Variants in TBX15 observed in about 807,000 individuals in gnomAD.
TBX15 encodes T-box transcription factor TBX15.
In TBX15, 18 loss-of-function variants were observed where a neutral mutation model predicts 53.9. That is an observed-to-expected ratio of 0.33 (90% CI 0.23 to 0.49). The LOEUF is 0.49. Ranked by LOEUF, TBX15 falls within the 20% of genes least tolerant of loss-of-function variation. The probability of loss-of-function intolerance (pLI) is 0.98; values close to 1 mark genes in which losing one functional copy is unlikely to be tolerated. For synonymous variants in TBX15, 295 were observed against 278.0 expected, an observed-to-expected ratio of 1.06 and a Z score of -0.61; for missense variants, 692 against 749.5, an observed-to-expected ratio of 0.92 and a Z score of 0.90.
At chr1:118,981,599 T>C (rs1657655511) in intron 1 of TBX15, among the ~76,000 whole-genome samples, 1 of 152,228 alleles carries the variant, frequency 6.6e-6, no homozygotes, top group Non-Finnish European at 1.5e-5. Flanking sequence ...AGTTTTGCAG[T>C]CAGCAAGATA....
chr1:118,956,500 A>C (rs1156643550), intron 1 of TBX15, among the ~76,000 whole-genome samples: 2 of 152,210 alleles, frequency 1.3e-5, no homozygotes, highest in Non-Finnish European at 2.9e-5. Context: ...TACATGAAGG[A>C]GTTCCTTCTA....
intron 1 of TBX15, among the ~76,000 whole-genome samples, chr1:118,984,805 T>A (rs1180436824): frequency 6.6e-6 from 1 of 152,104 alleles, no homozygotes; most frequent in Non-Finnish European, 1.5e-5. Context: ...AATACATAGT[T>A]TCCTCTGTGG....
rs770118092 is a variant in TBX15, at chr1:118,987,722, C to T, written c.74G>A (p.Gly25Asp). 6.5e-6 allele frequency: 10 copies of T among 1,550,334 alleles called. No individual in the cohort carries two copies. Among genetic ancestry groups the T allele is most frequent in the African/African-American group, 1.4e-5 (1 of 73,054 alleles). The change falls in exon 1 of 8, where the codon GGC (glycine) becomes GAC (aspartate). Residue 25 changes from glycine to aspartate, a missense_variant. This residue lies in a region of TBX15 where 307 missense variants were observed against 347.5 expected (regional missense o/e 0.88). Transcript: ENST00000369429. Reference protein sequence around the residue: ...AHAFSVEALIGSNKKRKLRDW... With the variant: ...AHAFSVEALIDSNKKRKLRDW... ...TCGCAGTTTCCGTTTTTTATTTGAG[C>T]CGATCAAGGCTTCAACGGAGAAGGC...
At chr1:118,949,825 A>G (rs898434889) in intron 1 of TBX15, among the ~76,000 whole-genome samples, 4 of 152,174 alleles carry the variant, frequency 2.6e-5, no homozygotes, top group African/African-American at 9.7e-5. Flanking sequence ...AATACAAACA[A>G]TTTGAACCCA....
rs970033598 is a variant in TBX15, at chr1:118,931,633, G to A, written c.405C>T (p.Ile135=). The change falls in exon 2 of 8, where the codon ATC becomes ATT. Residue 135 remains isoleucine, a synonymous_variant. Transcript: ENST00000369429. ...RFHDIGTEMI[I]TKAGRRMFPA... is the part of the protein sequence containing the mutation. ...TTTGTCCTTACCTGCCTGCTTTGGTGATGATCATTTCAGTTCCAATATCAT... is the reference window on the plus strand; with the variant it reads ...TTTGTCCTTACCTGCCTGCTTTGGTAATGATCATTTCAGTTCCAATATCAT... The A allele has an allele frequency of 1.2e-6, 2 of 1,614,058 alleles. No homozygotes were observed. The highest frequency in any genetic ancestry group is 1.7e-6 in the Non-Finnish European group (2 of 1,179,966).
chr1:118,923,554 C>A lies in TBX15; in HGVS notation c.743G>T (p.Arg248Leu), dbSNP rs1655497808. The A allele has an allele frequency of 6.2e-7, 1 of 1,613,870 alleles. No homozygotes were observed. Among genetic ancestry groups the A allele is most frequent in the Middle Eastern group, 1.7e-4 (1 of 6,058 alleles). The part of the protein sequence containing the change: ...HKYQPRVHVI[R>L]KDFSSDLSPT... ...TGAAAGGTCACTGCTGAAGTCTTTG[C>A]GAATCACATGAACTCGAGGCTGGTA... The change falls in exon 5 of 8, where the codon CGC becomes CTC. Residue 248 changes from arginine (R) to leucine (L), a missense_variant. Arg to Leu is a moderately radical substitution (Grantham distance 102, BLOSUM62 -2). Transcript: ENST00000369429.
chr1:118,938,591 G>A (rs1571190676), intron 1 of TBX15, among the ~76,000 whole-genome samples: 1 of 152,184 alleles, frequency 6.6e-6, no homozygotes, highest in East Asian at 1.9e-4. Flanking sequence ...TCTCCACAGT[G>A]GCTGGATTAA....
intron 5 of TBX15, among the ~76,000 whole-genome samples, chr1:118,921,579 G>A (rs1655425089): frequency 3.3e-5 from 5 of 152,334 alleles, no homozygotes; most frequent in Admixed American, 3.3e-4. Flanking sequence ...CTTGCTCAGA[G>A]CAACATGTGT....
At chr1:118,934,910 A>T (rs1285128554) in intron 1 of TBX15, among the ~76,000 whole-genome samples, 1 of 152,212 alleles carries the variant, frequency 6.6e-6, no homozygotes, top group Non-Finnish European at 1.5e-5. Flanking sequence ...ACAAAACAGG[A>T]TCCAGTGACT....
At chr1:118,960,953 C>A (rs570148182) in intron 1 of TBX15, among the ~76,000 whole-genome samples, 2 of 152,112 alleles carry the variant, frequency 1.3e-5, no homozygotes, top group African/African-American at 4.8e-5. Context: ...CGACACTGGG[C>A]GGCCATGGAC....
At chr1:118,958,501 G>A (rs1656766886) in intron 1 of TBX15, among the ~76,000 whole-genome samples, 2 of 152,090 alleles carry the variant, frequency 1.3e-5, no homozygotes, top group South Asian at 4.1e-4. Flanking sequence ...TTGATGTTTA[G>A]TTCAACATAG....
At chr1:118,939,685 T>C (rs1656102952) in intron 1 of TBX15, among the ~76,000 whole-genome samples, 1 of 145,818 alleles carries the variant, frequency 6.9e-6, no homozygotes, top group African/African-American at 2.5e-5. Context: ...ATCCCCTAGA[T>C]CTAAAATAAA....
chr1:118,965,474 T>C (rs1465389158), intron 1 of TBX15, among the ~76,000 whole-genome samples: 1 of 152,162 alleles, frequency 6.6e-6, no homozygotes, highest in East Asian at 1.9e-4. Flanking sequence ...TGTCATACAC[T>C]GTGGGTGGAA....
At chr1:118,921,706 C>T (rs1655430247) in intron 5 of TBX15, among the ~76,000 whole-genome samples, 1 of 152,226 alleles carries the variant, frequency 6.6e-6, no homozygotes, top group Non-Finnish European at 1.5e-5. Flanking sequence ...ATTTCCATTA[C>T]ATTCCCTCTA....
intron 7 of TBX15, chr1:118,891,034 C>A: frequency 1.1e-6 from 1 of 950,660 alleles, no homozygotes; most frequent in Non-Finnish European, 1.4e-6. Flanking sequence ...ACCCAGAGAT[C>A]GTAAAGTTTA....
At chr1:118,988,546 G>A (rs1299588117), upstream of TBX15, among the ~76,000 whole-genome samples, 1 of 152,136 alleles carries the variant, frequency 6.6e-6, no homozygotes, top group East Asian at 1.9e-4. Flanking sequence ...TACTCCAAGA[G>A]GGAGGTAGGA....
intron 1 of TBX15, among the ~76,000 whole-genome samples, chr1:118,946,305 G>T (rs2101646766): frequency 6.6e-6 from 1 of 152,204 alleles, no homozygotes; most frequent in East Asian, 1.9e-4. Context: ...TAAATGAAGA[G>T]GTTATTAACC....
At chr1:118,896,934 T>C (rs558837629) in intron 7 of TBX15, among the ~76,000 whole-genome samples, 3 of 152,310 alleles carry the variant, frequency 2.0e-5, no homozygotes, top group African/African-American at 7.2e-5. Context: ...AATTAAACTA[T>C]TTAATAGAGT....
intron 2 of TBX15, among the ~76,000 whole-genome samples, chr1:118,931,400 A>T (rs1236937381): frequency 6.6e-6 from 1 of 152,230 alleles, no homozygotes; most frequent in Non-Finnish European, 1.5e-5. Context: ...AATGTTTGTG[A>T]TTTACATGAC....
Sources: allele counts gnomAD v4.1 joint callset (sites outside exome capture counted in the v4.1 genomes callset), GRCh38; gene constraint gnomAD v4.1.1; regional missense constraint gnomAD v4.1.1; transcripts MANE v1.5; gene names NCBI Gene and HGNC (gene_info 2026-07-23, HGNC 2026-07-21).